RNF152: variants seen among roughly 807,000 people sequenced by gnomAD.
RNF152 encodes E3 ubiquitin-protein ligase RNF152.
In RNF152, 11 loss-of-function variants were observed where a neutral mutation model predicts 12.7. The observed-to-expected ratio is 0.86, with a 90% confidence interval of 0.54 to 1.43. The LOEUF is 1.43. Ranked by LOEUF, RNF152 falls within the 40% of genes most tolerant of loss-of-function variation. RNF152 has a pLI of 0.00. For synonymous variants in RNF152, 113 were observed against 120.3 expected (o/e 0.94, Z 0.40); for missense variants, 255 against 274.8 (o/e 0.93, Z 0.51).
rs1258720387 is a variant in RNF152 at position 61,813,786 on chromosome 18, G to A, written c.*2066C>T. The A allele has an allele frequency of 6.6e-6, 1 of 152,138 alleles. No homozygotes were observed. Among genetic ancestry groups the A allele is most frequent in the East Asian group, 1.9e-4 (1 of 5,174 alleles). The allele number at this position is 152,138 out of a possible 1,614,324, so 9.4% of individuals were successfully genotyped here. On this transcript the variant is annotated 3_prime_UTR_variant, in exon 2 of 2. Coordinates refer to ENST00000312828, the MANE Select transcript of RNF152 (RefSeq NM_173557.3). ...GTAGCATTCTTAATGCAACACTTCTGTGGTGTGTGTGTGTGTGTATTTTCC... is the reference window on the plus strand; with the variant it reads ...GTAGCATTCTTAATGCAACACTTCTATGGTGTGTGTGTGTGTGTATTTTCC...
chr18:61,851,112 A>G (rs1246229807), intron 1 of RNF152, among the ~76,000 whole-genome samples: 2 of 149,894 alleles, frequency 1.3e-5, no homozygotes, highest in African/African-American at 5.0e-5. Flanking sequence ...AAAAAAACTT[A>G]TGATCTGACT....
At chr18:61,868,350 C>A (rs576725978) in intron 1 of RNF152, among the ~76,000 whole-genome samples, 1 of 152,310 alleles carries the variant, frequency 6.6e-6, no homozygotes, top group African/African-American at 2.4e-5. Flanking sequence ...CAGAGGTAAA[C>A]CCAGCCCAGC....
intron 1 of RNF152, among the ~76,000 whole-genome samples, chr18:61,868,004 G>A (rs1911816312): frequency 6.6e-6 from 1 of 152,092 alleles, no homozygotes; most frequent in Admixed American, 6.5e-5. Context: ...CACCTTCTTA[G>A]AACTTAACGA....
chr18:61,834,521 C>A (rs568898584), intron 1 of RNF152, among the ~76,000 whole-genome samples: 1 of 152,312 alleles, frequency 6.6e-6, no homozygotes, highest in South Asian at 2.1e-4. Flanking sequence ...CTCTATTGAC[C>A]TTTATTTACC....
rs74579247 is a variant in RNF152 at position 61,875,495 on chromosome 18, C to A, written c.-136+17300G>T. Among the ~76,000 whole-genome samples the A allele has an allele frequency of 9.0e-3, 1,372 of 152,274 alleles. 16 individuals are homozygous for A. Among genetic ancestry groups the A allele is most frequent in the African/African-American group, 0.031 (1,280 of 41,536 alleles). On this transcript the variant is annotated intron_variant, in intron 1 of 1. Transcript: ENST00000312828. ...CAGACCTATGCCTTTACATGGTCAGCTCTCTAGAGAGCTTCTCTCCCTGGT... is the reference window on the plus strand; with the variant it reads ...CAGACCTATGCCTTTACATGGTCAGATCTCTAGAGAGCTTCTCTCCCTGGT...
At chr18:61,849,362 T>C (rs1164768402) in intron 1 of RNF152, among the ~76,000 whole-genome samples, 1 of 152,228 alleles carries the variant, frequency 6.6e-6, no homozygotes, top group Non-Finnish European at 1.5e-5. Flanking sequence ...GGACCCATAA[T>C]TACTTTTGAG....
intron 1 of RNF152, among the ~76,000 whole-genome samples, chr18:61,854,179 C>G (rs1244046805): frequency 1.3e-5 from 2 of 152,062 alleles, no homozygotes; most frequent in Non-Finnish European, 2.9e-5. Flanking sequence ...AGTGTTTTTC[C>G]TTTCACTCAG....
chr18:61,812,199 T>A lies in RNF152; in HGVS notation c.*3653A>T, dbSNP rs1908837209. On this transcript the variant is annotated 3_prime_UTR_variant, in exon 2 of 2. Transcript: ENST00000312828. ...TAGGGCTATTTAAATTTAAGCTAAT[T>A]AAAATTAAATAAAATTTGAAATCCA... 6.6e-6 allele frequency: 1 copy of A among 152,146 alleles called. No individual in the cohort carries two copies. Among genetic ancestry groups the A allele is most frequent in the Non-Finnish European group, 1.5e-5 (1 of 68,024 alleles). The allele number at this position is 152,146 out of a possible 1,614,324, so 9.4% of individuals were successfully genotyped here. A position where few individuals can be genotyped will look rare whatever the true frequency, so the allele number is the denominator to read the frequency against.
intron 1 of RNF152, among the ~76,000 whole-genome samples, chr18:61,879,532 A>T (rs907595245): frequency 5.3e-5 from 8 of 152,122 alleles, no homozygotes; most frequent in African/African-American, 1.4e-4. Context: ...GGGAGGGCAG[A>T]GAGGAAGGAT....
At chr18:61,885,370 C>T (rs1270620110) in intron 1 of RNF152, among the ~76,000 whole-genome samples, 1 of 152,124 alleles carries the variant, frequency 6.6e-6, no homozygotes, top group Non-Finnish European at 1.5e-5. Context: ...TGCAGTGGTG[C>T]GATCTCAACT....
intron 1 of RNF152, among the ~76,000 whole-genome samples, chr18:61,830,562 C>T (rs11876921): frequency 0.46 from 69,658 of 152,012 alleles, 16,424 homozygotes; most frequent in Non-Finnish European, 0.53. Context: ...CATTGTAACA[C>T]GTATCAGAAT....
chr18:61,890,187 C>T (rs1912892184), intron 1 of RNF152, among the ~76,000 whole-genome samples: 1 of 152,208 alleles, frequency 6.6e-6, no homozygotes, highest in Non-Finnish European at 1.5e-5. Flanking sequence ...CCAATACCCA[C>T]CAAGCACTGA....
At chr18:61,858,233 C>T (rs943818372) in intron 1 of RNF152, among the ~76,000 whole-genome samples, 4 of 152,178 alleles carry the variant, frequency 2.6e-5, no homozygotes, top group Admixed American at 6.5e-5. Context: ...AGCTCTGTGA[C>T]ATTGAGTGCT....
intron 1 of RNF152, among the ~76,000 whole-genome samples, chr18:61,879,410 C>A (rs1912357082): frequency 6.6e-6 from 1 of 152,132 alleles, no homozygotes; most frequent in South Asian, 2.1e-4. Context: ...GGGACTTGAG[C>A]ATGCATGGAT....
chr18:61,836,077 G>C (rs569212398), intron 1 of RNF152, among the ~76,000 whole-genome samples: 1 of 152,278 alleles, frequency 6.6e-6, no homozygotes, highest in East Asian at 1.9e-4. Context: ...AACAGTGACA[G>C]TCTAGTAACA....
intron 1 of RNF152, among the ~76,000 whole-genome samples, chr18:61,827,925 C>T (rs1169885676): frequency 1.3e-5 from 2 of 152,216 alleles, no homozygotes; most frequent in Non-Finnish European, 2.9e-5. Context: ...AACAGCGGTG[C>T]AACCCAACAC....
At chr18:61,839,683 C>T (rs1008556342) in intron 1 of RNF152, among the ~76,000 whole-genome samples, 3 of 152,020 alleles carry the variant, frequency 2.0e-5, no homozygotes, top group Non-Finnish European at 4.4e-5. Context: ...ATCACAAGGT[C>T]GGGAGATCGA....
chr18:61,818,098 A>C (rs1275085067), intron 1 of RNF152, among the ~76,000 whole-genome samples: 3 of 152,160 alleles, frequency 2.0e-5, no homozygotes, highest in African/African-American at 7.2e-5. Context: ...CATGATATAT[A>C]ATGTGTTAAC....
intron 1 of RNF152, among the ~76,000 whole-genome samples, chr18:61,834,761 T>C (rs1910105250): frequency 6.6e-6 from 1 of 152,226 alleles, no homozygotes; most frequent in Non-Finnish European, 1.5e-5. Context: ...ATTCATACAT[T>C]ATCAGTATGC....
Sources: allele counts gnomAD v4.1 joint callset (sites outside exome capture counted in the v4.1 genomes callset), GRCh38; gene constraint gnomAD v4.1.1; transcripts MANE v1.5; gene names NCBI Gene and HGNC (gene_info 2026-07-23, HGNC 2026-07-21).